GALK2: variants seen among roughly 807,000 people sequenced by gnomAD.
GALK2 encodes the protein N-acetylgalactosamine kinase.
A neutral mutation model predicts 52.4 loss-of-function variants in GALK2; 36 were observed. The observed-to-expected ratio is 0.69, with a 90% CI of 0.53 to 0.91. The LOEUF (loss-of-function observed/expected upper bound fraction) is 0.91. Ranked by LOEUF, GALK2 falls within the 40% of genes least tolerant of loss-of-function variation. GALK2 has a pLI of 0.00. For synonymous variants in GALK2, 176 were observed against 199.1 expected (o/e 0.88, Z 0.98); for missense variants, 579 against 559.1 (o/e 1.04, Z -0.36).
At chr15:49,348,518 T>C (rs1049181697) in intron 3 of GALK2, among the ~76,000 whole-genome samples, 9 of 152,192 alleles carry the variant, frequency 5.9e-5, no homozygotes, top group African/African-American at 2.2e-4. Context: ...AGCTCTAAAC[T>C]AGAATATAGG....
intron 5 of GALK2, among the ~76,000 whole-genome samples, chr15:49,240,343 C>T (rs1003606407): frequency 6.6e-6 from 1 of 152,098 alleles, no homozygotes; most frequent in Non-Finnish European, 1.5e-5. Flanking sequence ...TTTATTTATT[C>T]ATTTGTTTGT....
At chr15:49,367,416 A>G in intron 3 of GALK2, 2 of 1,497,984 alleles carry the variant, frequency 1.3e-6, no homozygotes, top group Non-Finnish European at 1.8e-6. Flanking sequence ...TTTGAAAGAA[A>G]TTATATTAAA....
chr15:49,220,493 C>T (rs1363946032), intron 3 of GALK2, among the ~76,000 whole-genome samples: 1 of 151,888 alleles, frequency 6.6e-6, no homozygotes, highest in East Asian at 1.9e-4. Flanking sequence ...TTGGTGGGCA[C>T]TTAGGTTGAT....
chr15:49,159,330 C>A (rs533750325), intron 1 of GALK2, among the ~76,000 whole-genome samples: 1 of 152,106 alleles, frequency 6.6e-6, no homozygotes, highest in Non-Finnish European at 1.5e-5. Flanking sequence ...AATCCCAGCA[C>A]TTTGGGAAGC....
At chr15:49,170,770 CCTT>C (rs1221339130) in intron 1 of GALK2, among the ~76,000 whole-genome samples, 1 of 152,040 alleles carries the variant, frequency 6.6e-6, no homozygotes, top group Non-Finnish European at 1.5e-5. Flanking sequence ...AACACAAAAA[CCTT>C]CTTGGTGTCT....
intron 2 of GALK2, among the ~76,000 whole-genome samples, chr15:49,204,981 T>G (rs1388480802): frequency 6.6e-6 from 1 of 152,218 alleles, no homozygotes; most frequent in Non-Finnish European, 1.5e-5. Flanking sequence ...TTATTTAACT[T>G]AGAATAATAG....
intron 5 of GALK2, among the ~76,000 whole-genome samples, chr15:49,260,077 G>C (rs1040906687): frequency 6.6e-6 from 1 of 151,698 alleles, no homozygotes; most frequent in African/African-American, 2.4e-5. Context: ...ATGATTTATA[G>C]TCCTTTGGGT....
intron 1 of GALK2, among the ~76,000 whole-genome samples, chr15:49,192,316 G>A (rs2086782854): frequency 6.6e-6 from 1 of 151,614 alleles, no homozygotes; most frequent in Non-Finnish European, 1.5e-5. Context: ...ATTTCTGGAA[G>A]TCGCTAGATC....
intron 8 of GALK2, among the ~76,000 whole-genome samples, chr15:49,310,559 G>C (rs2035908346): frequency 6.6e-6 from 1 of 151,776 alleles, no homozygotes; most frequent in South Asian, 2.1e-4. Context: ...TTATTTTTTT[G>C]TCTTTTTGAT....
intron 5 of GALK2, among the ~76,000 whole-genome samples, chr15:49,262,780 G>C (rs1251197054): frequency 1.4e-5 from 2 of 147,158 alleles, no homozygotes; most frequent in Non-Finnish European, 3.0e-5. Flanking sequence ...CTTTGTTCTC[G>C]TTGGTTTCAA....
intron 3 of GALK2, among the ~76,000 whole-genome samples, chr15:49,347,646 ATAAAGT>A (rs1567118064): frequency 6.6e-6 from 1 of 152,198 alleles, no homozygotes; most frequent in South Asian, 2.1e-4. Flanking sequence ...AGTTATTATC[ATAAAGT>A]TAATTAGTTT....
At chr15:49,204,792 A>G (rs1182111841) in intron 2 of GALK2, among the ~76,000 whole-genome samples, 1 of 152,056 alleles carries the variant, frequency 6.6e-6, no homozygotes, top group Non-Finnish European at 1.5e-5. Flanking sequence ...ATTTTGGTGT[A>G]CCCATCACCC....
At chr15:49,174,557 G>A (rs2085317239) in intron 1 of GALK2, among the ~76,000 whole-genome samples, 1 of 152,116 alleles carries the variant, frequency 6.6e-6, no homozygotes, top group Non-Finnish European at 1.5e-5. Flanking sequence ...TGTTGGCCGG[G>A]CTGGTTTCGA....
chr15:49,228,684 T>TAC (rs2090303949), intron 3 of GALK2, among the ~76,000 whole-genome samples: 3 of 18,822 alleles, frequency 1.6e-4, no homozygotes, highest in East Asian at 2.1e-3. Context: ...TATATATATA[T>TAC]ATATTTTTTT....
intron 2 of GALK2, among the ~76,000 whole-genome samples, chr15:49,213,599 G>T (rs2089120044): frequency 6.6e-6 from 1 of 151,834 alleles, no homozygotes; most frequent in Admixed American, 6.6e-5. Context: ...TGTCTTTATT[G>T]ATGAGGTTAG....
At chr15:49,324,612 A>G (rs918708471) in intron 9 of GALK2, among the ~76,000 whole-genome samples, 1 of 152,088 alleles carries the variant, frequency 6.6e-6, no homozygotes, top group African/African-American at 2.4e-5. Flanking sequence ...TGGTTTCTTG[A>G]CTGTAAAGCA....
At chr15:49,271,577 A>G (rs1287679380) in intron 5 of GALK2, among the ~76,000 whole-genome samples, 2 of 152,342 alleles carry the variant, frequency 1.3e-5, no homozygotes, top group Middle Eastern at 3.4e-3. Context: ...TGGCTTTGCC[A>G]CTTACTAGCT....
chr15:49,166,178 C>T (rs1204409967), upstream of GALK2, among the ~76,000 whole-genome samples: 3 of 152,138 alleles, frequency 2.0e-5, no homozygotes, highest in Non-Finnish European at 4.4e-5. Flanking sequence ...TTAGACTAGA[C>T]AGAAAACAAG....
chr15:49,265,735 TG>T (rs778968973), intron 5 of GALK2, among the ~76,000 whole-genome samples: 8 of 151,772 alleles, frequency 5.3e-5, no homozygotes, highest in Admixed American at 1.3e-4. Context: ...AGTAGTTCCA[TG>T]TTTTTTTAAC....
Sources: gnomAD v4.1 joint callset for allele counts (sites outside exome capture counted in the v4.1 genomes callset) on GRCh38, gnomAD v4.1.1 for gene constraint, MANE v1.5 for transcripts, NCBI Gene and HGNC (gene_info 2026-07-23, HGNC 2026-07-21) for gene names.